Variants in SULF1 observed in about 807,000 individuals in gnomAD.
SULF1 encodes sulfatase 1.
Under a neutral mutation model 110.5 loss-of-function variants are expected in SULF1, and 46 were observed. The observed-to-expected ratio is 0.42, with a 90% confidence interval of 0.33 to 0.53. SULF1 has a LOEUF of 0.53. Ranked by LOEUF, SULF1 falls within the 20% of genes least tolerant of loss-of-function variation. The probability of loss-of-function intolerance (pLI) is 0.12; values close to 1 mark genes in which losing one functional copy is unlikely to be tolerated. For missense variants in SULF1, 941 were observed against 1,094.2 expected, an observed-to-expected ratio of 0.86 and a Z score of 1.98; for synonymous variants, 371 against 387.1, an observed-to-expected ratio of 0.96 and a Z score of 0.49.
chr8:69,490,197 G>T (rs1277434204), upstream of SULF1, among the ~76,000 whole-genome samples: 3 of 150,730 alleles, frequency 2.0e-5, no homozygotes, highest in African/African-American at 7.3e-5. Flanking sequence ...CTGCCTCCTG[G>T]GCTCAAGTGA....
In SULF1 at chr8:69,563,952, T is replaced by C; in HGVS notation, c.-24T>C. On this transcript the variant is annotated 5_prime_UTR_variant, in exon 5 of 23. Transcript: ENST00000402687. Reference sequence around the variant, plus strand: ...TCAGGAGACGGAGACATTTTGTCAGTTTTGCAACATTGGACCAAATACAAT... The same window carrying C: ...TCAGGAGACGGAGACATTTTGTCAGCTTTGCAACATTGGACCAAATACAAT... 1 of 1,608,058 alleles carries C rather than the reference T, an allele frequency of 6.2e-7. No homozygotes were observed. The highest frequency in any genetic ancestry group is 8.5e-7 in the Non-Finnish European group (1 of 1,175,008).
intron 9 of SULF1, 61 bp downstream of exon 9, chr8:69,600,814 T>C: frequency 1.9e-6 from 3 of 1,541,224 alleles, no homozygotes; most frequent in Non-Finnish European, 2.6e-6. Context: ...TGTAGACTTA[T>C]TCTTGCCAAT....
chr8:69,489,907 T>C (rs1809858911), upstream of SULF1, among the ~76,000 whole-genome samples: 1 of 152,052 alleles, frequency 6.6e-6, no homozygotes, highest in Non-Finnish European at 1.5e-5. Flanking sequence ...GTAGATTCTC[T>C]CATTTCCCCT....
intron 3 of SULF1, among the ~76,000 whole-genome samples, chr8:69,544,662 C>G (rs574706487): frequency 1.3e-5 from 2 of 152,122 alleles, no homozygotes; most frequent in African/African-American, 4.8e-5. Flanking sequence ...CTATTTTCAA[C>G]TGAAAATAAA....
At chr8:69,613,863 C>T (rs1450119923) in intron 13 of SULF1, among the ~76,000 whole-genome samples, 1 of 152,028 alleles carries the variant, frequency 6.6e-6, no homozygotes, top group Non-Finnish European at 1.5e-5. Flanking sequence ...TCATGACTAT[C>T]CATGAAGCCA....
At chr8:69,547,190 T>G (rs891170279) in intron 3 of SULF1, among the ~76,000 whole-genome samples, 1 of 149,214 alleles carries the variant, frequency 6.7e-6, no homozygotes, top group African/African-American at 2.4e-5. Flanking sequence ...GGAGGTGGGG[T>G]GGGGTGGGGG....
intron 1 of SULF1, among the ~76,000 whole-genome samples, chr8:69,484,575 G>A (rs1416758728): frequency 1.3e-5 from 2 of 152,142 alleles, no homozygotes; most frequent in Non-Finnish European, 2.9e-5. Context: ...TTCTGCCCTT[G>A]GAAAGTTGAA....
intron 1 of SULF1, among the ~76,000 whole-genome samples, chr8:69,469,050 C>G (rs62512971): frequency 6.6e-6 from 1 of 152,166 alleles, no homozygotes; most frequent in African/African-American, 2.4e-5. Flanking sequence ...CACCTTGAAA[C>G]GGCAGCCGTG....
intron 6 of SULF1, among the ~76,000 whole-genome samples, chr8:69,585,993 G>T (rs958401353): frequency 6.6e-6 from 1 of 152,198 alleles, no homozygotes; most frequent in Non-Finnish European, 1.5e-5. Context: ...CTGCCCGGTG[G>T]TTGCATTCCA....
At chr8:69,503,899 A>G (rs1036194863) in intron 3 of SULF1, among the ~76,000 whole-genome samples, 15 of 151,978 alleles carry the variant, frequency 9.9e-5, no homozygotes, top group African/African-American at 3.1e-4. Context: ...CCCTGAGTTC[A>G]AGCAATTCTC....
intron 5 of SULF1, among the ~76,000 whole-genome samples, chr8:69,575,345 T>A (rs1805526568): frequency 6.6e-6 from 1 of 152,146 alleles, no homozygotes; most frequent in Admixed American, 6.6e-5. Flanking sequence ...CTTTAAAAAA[T>A]TGTGCATAAA....
intron 1 of SULF1, among the ~76,000 whole-genome samples, chr8:69,482,927 C>T (rs1809565548): frequency 6.6e-6 from 1 of 151,848 alleles, no homozygotes; most frequent in South Asian, 2.1e-4. Flanking sequence ...ATTAAACCAA[C>T]CTTGGATAGA....
intron 19 of SULF1, among the ~76,000 whole-genome samples, chr8:69,636,864 G>A (rs1033496727): frequency 1.3e-5 from 2 of 152,148 alleles, no homozygotes; most frequent in Non-Finnish European, 2.9e-5. Context: ...CTTCTCAGAT[G>A]TACTGGTTTG....
chr8:69,517,276 G>A (rs1472160246), intron 3 of SULF1, among the ~76,000 whole-genome samples: 1 of 152,144 alleles, frequency 6.6e-6, no homozygotes, highest in Non-Finnish European at 1.5e-5. Flanking sequence ...ATCTGTCCAT[G>A]AGGGCAGAAC....
intron 3 of SULF1, among the ~76,000 whole-genome samples, chr8:69,509,706 G>A (rs1414811345): frequency 6.6e-6 from 1 of 152,184 alleles, no homozygotes; most frequent in African/African-American, 2.4e-5. Context: ...CTGTCCATAC[G>A]TGTCATGAGG....
intron 1 of SULF1, among the ~76,000 whole-genome samples, chr8:69,480,451 A>G (rs1484195161): frequency 6.6e-6 from 1 of 152,220 alleles, no homozygotes; most frequent in African/African-American, 2.4e-5. Flanking sequence ...ATTGCATTAG[A>G]ACAGTTGAAC....
intron 5 of SULF1, among the ~76,000 whole-genome samples, chr8:69,567,400 T>C (rs1815965223): frequency 6.6e-6 from 1 of 152,164 alleles, no homozygotes; most frequent in African/African-American, 2.4e-5. Context: ...TTCAGTACTG[T>C]TAAGTACATT....
intron 3 of SULF1, among the ~76,000 whole-genome samples, chr8:69,560,172 C>T (rs1191814835): frequency 1.3e-5 from 2 of 152,038 alleles, no homozygotes; most frequent in Non-Finnish European, 2.9e-5. Flanking sequence ...GGCCACCATC[C>T]CCTCTAGAGA....
intron 13 of SULF1, among the ~76,000 whole-genome samples, chr8:69,606,305 T>G (rs117720917): frequency 0.017 from 2,540 of 152,304 alleles, 33 homozygotes; most frequent in Non-Finnish European, 0.028. Flanking sequence ...AATTTTCAAG[T>G]GTTTAGTGGA....
Sources: gnomAD v4.1 joint callset for allele counts (sites outside exome capture counted in the v4.1 genomes callset) on GRCh38, gnomAD v4.1.1 for gene constraint, MANE v1.5 for transcripts, NCBI Gene and HGNC (gene_info 2026-07-23, HGNC 2026-07-21) for gene names.